Variants in SIK2 observed in about 807,000 individuals in gnomAD.
SIK2 encodes salt inducible kinase 2.
SIK2 carries 29 observed loss-of-function variants against 103.2 expected under a neutral mutation model. The observed-to-expected ratio is 0.28, with a 90% CI of 0.21 to 0.38. The LOEUF is 0.38. Among genes scored for constraint, SIK2 ranks in the 10% least tolerant of loss-of-function variants. The pLI, the probability that SIK2 is intolerant of heterozygous loss-of-function variation, is 1.00. For synonymous variants in SIK2, 412 were observed against 446.1 expected (o/e 0.92, Z 0.96); for missense variants, 879 against 1,171.0 (o/e 0.75, Z 3.64).
At chr11:111,680,125 A>G (rs1341626047) in intron 3 of SIK2, among the ~76,000 whole-genome samples, 1 of 152,118 alleles carries the variant, frequency 6.6e-6, no homozygotes, top group Non-Finnish European at 1.5e-5. Flanking sequence ...CCATCTCAAA[A>G]AAAAAAAGCA....
chr11:111,666,048 A>T (rs1486245542), intron 3 of SIK2, among the ~76,000 whole-genome samples: 1 of 152,196 alleles, frequency 6.6e-6, no homozygotes, highest in African/African-American at 2.4e-5. Context: ...GACAGGATGA[A>T]GCTAGTATAA....
rs536934888 is a variant in SIK2 at position 111,722,152 on chromosome 11, A to G, written c.2055+212A>G. Among the ~76,000 whole-genome samples, 5 of 152,320 alleles carry G rather than the reference A, an allele frequency of 3.3e-5. No homozygotes were observed. Among genetic ancestry groups the G allele is most frequent in the Admixed American group, 3.3e-4 (5 of 15,302 alleles). ...GGTGGTGGGAAAGGCTTTGTCCTCAAGCCCCACGAAAGGATATGCCACTGA... is the reference window on the plus strand; with the variant it reads ...GGTGGTGGGAAAGGCTTTGTCCTCAGGCCCCACGAAAGGATATGCCACTGA... On this transcript the variant is annotated intron_variant, in intron 13 of 14. Coordinates refer to ENST00000304987, the MANE Select transcript of SIK2 (RefSeq NM_015191.3). The surrounding 1 kb of genome is among the most constrained non-coding windows in gnomAD (Gnocchi z 4.4).
chr11:111,706,395 T>C (rs1943346626), intron 8 of SIK2, among the ~76,000 whole-genome samples: 2 of 152,068 alleles, frequency 1.3e-5, no homozygotes, highest in South Asian at 4.1e-4. Flanking sequence ...AGGCTGAGGC[T>C]AGAAATTTGG....
intron 3 of SIK2, among the ~76,000 whole-genome samples, chr11:111,629,342 A>G (rs561872203): frequency 6.6e-6 from 1 of 152,306 alleles, no homozygotes; most frequent in East Asian, 1.9e-4. Context: ...TCTGGATTTG[A>G]ACCAGGCAAT....
At chr11:111,642,887 C>G (rs1192047608) in intron 3 of SIK2, among the ~76,000 whole-genome samples, 3 of 145,368 alleles carry the variant, frequency 2.1e-5, no homozygotes, top group South Asian at 2.1e-4. Flanking sequence ...TTTAGAAGCT[C>G]TCTGTTTGGA....
chr11:111,694,801 A>AT (rs931298319), intron 4 of SIK2, among the ~76,000 whole-genome samples: 12 of 151,380 alleles, frequency 7.9e-5, no homozygotes, highest in Admixed American at 4.0e-4. Flanking sequence ...GTTTGATTTG[A>AT]TTTTTTTTTC....
chr11:111,681,547 G>A (rs1012008544), intron 3 of SIK2, among the ~76,000 whole-genome samples: 5 of 152,018 alleles, frequency 3.3e-5, no homozygotes, highest in African/African-American at 1.2e-4. Context: ...CTTGAATCAT[G>A]AAAGAAAGAA....
intron 3 of SIK2, among the ~76,000 whole-genome samples, chr11:111,622,718 A>G (rs201350117): frequency 6.4e-5 from 2 of 31,156 alleles, no homozygotes; most frequent in African/African-American, 9.4e-5. Context: ...AGTACTTTAA[A>G]TATGTTGCTT....
At chr11:111,664,232 G>A (rs1448430358) in intron 3 of SIK2, among the ~76,000 whole-genome samples, 1 of 152,128 alleles carries the variant, frequency 6.6e-6, no homozygotes, top group Non-Finnish European at 1.5e-5. Flanking sequence ...AGAGTTTTGG[G>A]GGGCAAATCG....
chr11:111,721,685 T>C (rs1943805228), intron 12 of SIK2, 145 bp from the exon 13 acceptor site: 2 of 572,638 alleles, frequency 3.5e-6, no homozygotes, highest in African/African-American at 1.9e-5. Flanking sequence ...GCCCTCAGCC[T>C]ACTGGCTCTG....
chr11:111,667,443 T>C (rs572753061), intron 3 of SIK2, among the ~76,000 whole-genome samples: 6 of 151,984 alleles, frequency 3.9e-5, no homozygotes, highest in South Asian at 2.1e-4. Context: ...GTGAGAAATA[T>C]GTAAGATTTT....
chr11:111,645,683 C>T (rs970167934), intron 3 of SIK2, among the ~76,000 whole-genome samples: 9 of 151,942 alleles, frequency 5.9e-5, no homozygotes, highest in Admixed American at 3.9e-4. Context: ...GGCATGGTGG[C>T]GCATGCCTGT....
intron 6 of SIK2, among the ~76,000 whole-genome samples, chr11:111,703,001 C>T (rs1943252977): frequency 6.6e-6 from 1 of 152,200 alleles, no homozygotes; most frequent in Non-Finnish European, 1.5e-5. Flanking sequence ...CCTACACCCT[C>T]CTGTTTTTCT....
At chr11:111,621,824 G>T (rs1480285014) in intron 3 of SIK2, among the ~76,000 whole-genome samples, 3 of 151,966 alleles carry the variant, frequency 2.0e-5, no homozygotes, top group Middle Eastern at 3.2e-3. Flanking sequence ...TGAGGCAGGA[G>T]AGTCACTTGA....
At chr11:111,607,798 G>A (rs559765137) in intron 1 of SIK2, among the ~76,000 whole-genome samples, 57 of 152,020 alleles carry the variant, frequency 3.7e-4, no homozygotes, top group Non-Finnish European at 8.1e-4. Context: ...TTTGGGAGTG[G>A]GAACAAACAT....
intron 8 of SIK2, among the ~76,000 whole-genome samples, chr11:111,711,625 G>A (rs1943499105): frequency 6.6e-6 from 1 of 152,192 alleles, no homozygotes; most frequent in South Asian, 2.1e-4. Context: ...GCATCTCCTT[G>A]AAGGAAGGAA....
chr11:111,700,018 G>A (rs900764940), intron 4 of SIK2, among the ~76,000 whole-genome samples: 1 of 152,208 alleles, frequency 6.6e-6, no homozygotes, highest in African/African-American at 2.4e-5. Context: ...GACAGCATGA[G>A]TATAACTTAA....
intron 3 of SIK2, among the ~76,000 whole-genome samples, chr11:111,643,222 GTAAC>G (rs1942208171): frequency 6.6e-6 from 1 of 152,120 alleles, no homozygotes; most frequent in African/African-American, 2.4e-5. Context: ...TAGGCATTAA[GTAAC>G]TAAATGATGA....
At chr11:111,644,803 T>C (rs1340373740) in intron 3 of SIK2, among the ~76,000 whole-genome samples, 1 of 152,248 alleles carries the variant, frequency 6.6e-6, no homozygotes, top group African/African-American at 2.4e-5. Context: ...ATATAAGTTA[T>C]TATGTATCCA....
Sources: allele counts gnomAD v4.1 joint callset (sites outside exome capture counted in the v4.1 genomes callset), GRCh38; gene constraint gnomAD v4.1.1; non-coding constraint Gnocchi (gnomAD v3.1); transcripts MANE v1.5; gene names NCBI Gene and HGNC (gene_info 2026-07-23, HGNC 2026-07-21).